PITPNC1: variants seen among roughly 807,000 people sequenced by gnomAD.
PITPNC1 encodes cytoplasmic phosphatidylinositol transfer protein 1.
Under a neutral mutation model 44.7 loss-of-function variants are expected in PITPNC1, and 18 were observed. The ratio of observed to expected loss-of-function variants is 0.40; its 90% CI spans 0.28 to 0.60. PITPNC1 has a LOEUF of 0.60. Ranked by LOEUF, PITPNC1 falls within the 20% of genes least tolerant of loss-of-function variation. The pLI, the probability that PITPNC1 is intolerant of heterozygous loss-of-function variation, is 0.39. For missense variants in PITPNC1, 290 were observed against 418.4 expected (o/e 0.69, Z 2.68); for synonymous variants, 141 against 149.6 (o/e 0.94, Z 0.42).
chr17:67,401,182 G>A (rs1199084651), intron 1 of PITPNC1, among the ~76,000 whole-genome samples: 9 of 152,084 alleles, frequency 5.9e-5, no homozygotes, highest in Non-Finnish European at 1.2e-4. Context: ...TGATCCGCCC[G>A]CCCTGGTCTC....
rs7209170 is a variant in PITPNC1 at position 67,399,610 on chromosome 17, A to T, written c.48+21408A>T. Among the ~76,000 whole-genome samples, 1,510 of 152,336 alleles carry T rather than the reference A, an allele frequency of 9.9e-3. 21 individuals are homozygous for T. The highest frequency in any genetic ancestry group is 0.034 in the African/African-American group (1,397 of 41,568). On this transcript the variant is annotated intron_variant, in intron 1 of 8. Transcript: ENST00000581322. ...CAAGTAATAAGTCATTAGCAAAAAA[A>T]GTGAAAGAATGTGCATTAAAATGAT... is the stretch of plus-strand genomic sequence containing the variant.
chr17:67,686,802 C>G (rs2042824417), intron 8 of PITPNC1, among the ~76,000 whole-genome samples: 1 of 152,138 alleles, frequency 6.6e-6, no homozygotes, highest in African/African-American at 2.4e-5. Flanking sequence ...TACTTTCTAC[C>G]CAAACCTAGC....
chr17:67,555,337 TTAGA>T lies in PITPNC1; in HGVS notation c.294+1724_294+1727del, dbSNP rs1376052643. Reference sequence around the variant, plus strand: ...AGTCTCTGACACTGCAAGAGCAGCCTTAGATAGTATGTAAACAAATTAGCATGGT... The same window carrying T: ...AGTCTCTGACACTGCAAGAGCAGCCTTAGTATGTAAACAAATTAGCATGGT... On this transcript the variant is annotated intron_variant, in intron 4 of 8. Coordinates refer to ENST00000581322, the MANE Select transcript of PITPNC1 (RefSeq NM_012417.4). Among the ~76,000 whole-genome samples, 5 of 152,298 alleles carry T rather than the reference TTAGA, an allele frequency of 3.3e-5. No homozygotes were observed. The East Asian group carries it at 9.6e-4, about 29-fold the overall frequency.
chr17:67,673,679 G>A (rs1463254394), intron 7 of PITPNC1, among the ~76,000 whole-genome samples: 1 of 152,064 alleles, frequency 6.6e-6, no homozygotes, highest in African/African-American at 2.4e-5. Flanking sequence ...GGCCAGGCGT[G>A]GTGGCTCATG....
At chr17:67,688,351 A>AAAAAAAAAAAAAAAAAAAAAAAAAC (rs2042859689) in intron 8 of PITPNC1, among the ~76,000 whole-genome samples, 1 of 149,420 alleles carries the variant, frequency 6.7e-6, no homozygotes, top group Non-Finnish European at 1.5e-5. Context: ...AAAAAAAAAA[A>AAAAAAAAAAAAAAAAAAAAAAAAAC]TCAATGCTGT....
At chr17:67,640,884 G>A (rs147249067) in intron 6 of PITPNC1, among the ~76,000 whole-genome samples, 1,660 of 152,088 alleles carry the variant, frequency 0.011, 32 homozygotes, top group African/African-American at 0.039. Context: ...CAGCTACTCC[G>A]GAGGCTGAGG....
At chr17:67,496,846 A>G (rs1035481715) in intron 1 of PITPNC1, among the ~76,000 whole-genome samples, 4 of 152,142 alleles carry the variant, frequency 2.6e-5, no homozygotes, top group Admixed American at 2.6e-4. Context: ...TTCCAAATAT[A>G]TTTAGAGCGA....
chr17:67,607,979 C>T (rs1467668247), intron 5 of PITPNC1, among the ~76,000 whole-genome samples: 1 of 152,040 alleles, frequency 6.6e-6, no homozygotes, highest in Non-Finnish European at 1.5e-5. Context: ...ATTCACCCAC[C>T]TCGGCCTCCC....
intron 1 of PITPNC1, among the ~76,000 whole-genome samples, chr17:67,496,325 A>G (rs1404240659): frequency 6.6e-6 from 1 of 152,196 alleles, no homozygotes. Flanking sequence ...TTATTCCCCC[A>G]TGTAAATTAC....
intron 6 of PITPNC1, 78 bp downstream of exon 6, chr17:67,632,316 C>G: frequency 6.7e-6 from 6 of 895,754 alleles, no homozygotes; most frequent in African/African-American, 1.6e-5. Context: ...TGCCTCCTAA[C>G]TTGGGAGGAT....
intron 8 of PITPNC1, among the ~76,000 whole-genome samples, chr17:67,690,012 A>T (rs2042890895): frequency 6.6e-6 from 1 of 152,214 alleles, no homozygotes; most frequent in Non-Finnish European, 1.5e-5. Context: ...GCTGAATTTT[A>T]TATCTTATCC....
At chr17:67,419,217 A>G (rs1027653510) in intron 1 of PITPNC1, among the ~76,000 whole-genome samples, 1 of 152,128 alleles carries the variant, frequency 6.6e-6, no homozygotes, top group African/African-American at 2.4e-5. Context: ...GGGGTTGGCA[A>G]AGAGTCAGGA....
chr17:67,401,344 C>T (rs1054917809), intron 1 of PITPNC1, among the ~76,000 whole-genome samples: 2 of 152,184 alleles, frequency 1.3e-5, no homozygotes, highest in African/African-American at 4.8e-5. Flanking sequence ...TGGCAATCAT[C>T]TTGCCTTTGG....
rs866499807 is a variant in PITPNC1 at position 67,397,551 on chromosome 17, G to A, written c.48+19349G>A. On this transcript the variant is annotated intron_variant, in intron 1 of 8. Transcript: ENST00000581322. ...ATGACGTCGGGGGTTAATGGATTGG[G>A]ATTTTAGGGCTGGAGTCCAGGCTTA... 3.3e-5 allele frequency among the ~76,000 whole-genome samples: 5 copies of A among 152,146 alleles called. 1 individual carries two copies. The highest frequency in any genetic ancestry group is 4.1e-4 in the South Asian group (2 of 4,830).
chr17:67,578,967 G>A (rs912357813), intron 5 of PITPNC1, among the ~76,000 whole-genome samples: 1 of 152,232 alleles, frequency 6.6e-6, no homozygotes, highest in African/African-American at 2.4e-5. Flanking sequence ...GGGCCACAGA[G>A]CGAGACTCCA....
At chr17:67,493,995 C>T (rs548793269) in intron 1 of PITPNC1, among the ~76,000 whole-genome samples, 1 of 152,292 alleles carries the variant, frequency 6.6e-6, no homozygotes, top group Non-Finnish European at 1.5e-5. Context: ...CTGCCATGTG[C>T]CAGTCCCCAG....
chr17:67,578,127 C>T, intron 4 of PITPNC1, 59 bp from the exon 5 acceptor site: 3 of 1,158,634 alleles, frequency 2.6e-6, no homozygotes, highest in South Asian at 2.5e-5. Context: ...AGAAGCTCTG[C>T]TGAATATAGG....
chr17:67,460,207 C>T (rs1482048126), intron 1 of PITPNC1, among the ~76,000 whole-genome samples: 3 of 152,124 alleles, frequency 2.0e-5, no homozygotes, highest in Middle Eastern at 3.2e-3. Context: ...CCATGCCTTC[C>T]GTGTCAGCCC....
chr17:67,390,035 C>T (rs2038114287), intron 1 of PITPNC1, among the ~76,000 whole-genome samples: 1 of 127,194 alleles, frequency 7.9e-6, no homozygotes, highest in African/African-American at 2.8e-5. Context: ...AGAATAGATA[C>T]CCATGTTCAG....
Sources: gnomAD v4.1 joint callset for allele counts (sites outside exome capture counted in the v4.1 genomes callset) on GRCh38, gnomAD v4.1.1 for gene constraint, MANE v1.5 for transcripts, NCBI Gene and HGNC (gene_info 2026-07-23, HGNC 2026-07-21) for gene names.